FTCDNL1: variants seen among roughly 807,000 people sequenced by gnomAD.
FTCDNL1 encodes formiminotransferase N-terminal subdomain-containing protein.
Under a neutral mutation model 5.9 loss-of-function variants are expected in FTCDNL1, and 11 were observed. The observed-to-expected ratio is 1.87, with a 90% CI of 1.18 to 3.10. The LOEUF (loss-of-function observed/expected upper bound fraction) is 3.10. Among genes scored for constraint, FTCDNL1 ranks in the 30% most tolerant of loss-of-function variants. The pLI is 0.00. For missense variants in FTCDNL1, 115 were observed against 65.5 expected (o/e 1.76, Z -2.61); for synonymous variants, 58 against 24.8 (o/e 2.34, Z -3.99).
At chr2:199,680,014 T>C in the FTCDNL1 span, among the ~76,000 whole-genome samples, 1 of 152,198 alleles carries the variant, frequency 6.6e-6, no homozygotes, top group East Asian at 1.9e-4. Context: ...GCAGTCCTTT[T>C]ATATTAGAGC....
the FTCDNL1 span, among the ~76,000 whole-genome samples, chr2:199,672,485 C>T: frequency 2.6e-5 from 4 of 152,066 alleles, no homozygotes; most frequent in Admixed American, 6.5e-5. Flanking sequence ...CAAAACTTAG[C>T]GGTGTAAAAT....
the FTCDNL1 span, among the ~76,000 whole-genome samples, chr2:199,721,388 G>A: frequency 6.6e-6 from 1 of 152,100 alleles, no homozygotes; most frequent in Non-Finnish European, 1.5e-5. Context: ...TTCTGTTCCT[G>A]TGTTAGTTTG....
chr2:199,766,439 G>A (rs769657503), intron 3 of FTCDNL1, among the ~76,000 whole-genome samples: 3 of 152,150 alleles, frequency 2.0e-5, no homozygotes, highest in Non-Finnish European at 4.4e-5. Flanking sequence ...CTTAAGCTAT[G>A]GCAGATTTGA....
At chr2:199,743,899 GT>G in the FTCDNL1 span, among the ~76,000 whole-genome samples, 1 of 152,068 alleles carries the variant, frequency 6.6e-6, no homozygotes, top group Non-Finnish European at 1.5e-5. Flanking sequence ...TATATTTCCA[GT>G]ATATAGCTTG....
At chr2:199,793,619 A>C (rs1001914429) in intron 3 of FTCDNL1, among the ~76,000 whole-genome samples, 1 of 152,204 alleles carries the variant, frequency 6.6e-6, no homozygotes, top group Non-Finnish European at 1.5e-5. Context: ...TTTTTGACAT[A>C]GACATTTACA....
At chr2:199,710,243 C>A in the FTCDNL1 span, among the ~76,000 whole-genome samples, 1 of 152,074 alleles carries the variant, frequency 6.6e-6, no homozygotes, top group Non-Finnish European at 1.5e-5. Flanking sequence ...CTTCAAGTAA[C>A]GCTGAAGTGC....
At chr2:199,751,044 G>A in the FTCDNL1 span, among the ~76,000 whole-genome samples, 2 of 152,104 alleles carry the variant, frequency 1.3e-5, no homozygotes, top group African/African-American at 4.8e-5. Context: ...CCCATCTATC[G>A]AGAGACCCTA....
intron 3 of FTCDNL1, among the ~76,000 whole-genome samples, chr2:199,843,772 G>A (rs977593526): frequency 6.6e-6 from 1 of 152,054 alleles, no homozygotes; most frequent in African/African-American, 2.4e-5. Context: ...GTAATTAACC[G>A]TGGTACAGTT....
At chr2:199,758,514 A>T (rs1485082693), downstream of FTCDNL1, among the ~76,000 whole-genome samples, 1 of 151,860 alleles carries the variant, frequency 6.6e-6, no homozygotes, top group African/African-American at 2.4e-5. Flanking sequence ...TGCTGGGGTG[A>T]TTGTAATCAG....
At chr2:199,783,036 G>A (rs1451755733) in intron 3 of FTCDNL1, among the ~76,000 whole-genome samples, 1 of 152,158 alleles carries the variant, frequency 6.6e-6, no homozygotes, top group Non-Finnish European at 1.5e-5. Flanking sequence ...TGTAGGTTTG[G>A]CACTCTTGGA....
chr2:199,703,211 C>G, the FTCDNL1 span, among the ~76,000 whole-genome samples: 5 of 151,820 alleles, frequency 3.3e-5, no homozygotes, highest in Non-Finnish European at 5.9e-5. Flanking sequence ...CCCCCTGCCC[C>G]CACCCCACAA....
chr2:199,787,286 G>A (rs868469159), intron 3 of FTCDNL1, among the ~76,000 whole-genome samples: 3 of 151,906 alleles, frequency 2.0e-5, no homozygotes, highest in African/African-American at 7.3e-5. Flanking sequence ...AGGTTCAAGC[G>A]ATTCTCCTGA....
chr2:199,769,129 C>G (rs1698680563), intron 3 of FTCDNL1, among the ~76,000 whole-genome samples: 1 of 152,148 alleles, frequency 6.6e-6, no homozygotes, highest in Non-Finnish European at 1.5e-5. Context: ...GCATTCACAT[C>G]TCCTGCTCTG....
intron 3 of FTCDNL1, among the ~76,000 whole-genome samples, chr2:199,787,198 T>TG (rs1466698897): frequency 6.6e-6 from 1 of 151,134 alleles, no homozygotes; most frequent in Non-Finnish European, 1.5e-5. Context: ...TTTTTTTTTT[T>TG]TGAGATAGAA....
chr2:199,706,202 A>C, the FTCDNL1 span, among the ~76,000 whole-genome samples: 1 of 152,184 alleles, frequency 6.6e-6, no homozygotes, highest in Admixed American at 6.5e-5. Context: ...ACAACTGTTA[A>C]GACTTAGTTT....
chr2:199,743,978 C>T, the FTCDNL1 span, among the ~76,000 whole-genome samples: 5 of 152,180 alleles, frequency 3.3e-5, no homozygotes, highest in Non-Finnish European at 7.4e-5. Context: ...GTTGCCTAAG[C>T]TTCTCAACCA....
At chr2:199,764,709 A>G (rs1224192651) in intron 3 of FTCDNL1, among the ~76,000 whole-genome samples, 2 of 152,144 alleles carry the variant, frequency 1.3e-5, no homozygotes, top group African/African-American at 2.4e-5. Context: ...CTTTTACCGG[A>G]GCAGAATTAC....
chr2:199,815,616 C>A (rs1448037190), intron 4 of FTCDNL1, among the ~76,000 whole-genome samples: 1 of 152,022 alleles, frequency 6.6e-6, no homozygotes, highest in African/African-American at 2.4e-5. Context: ...TGTTGGGAAC[C>A]AAATTCATTG....
chr2:199,801,085 G>A (rs1700421575), intron 3 of FTCDNL1, among the ~76,000 whole-genome samples: 3 of 152,098 alleles, frequency 2.0e-5, no homozygotes, highest in South Asian at 4.1e-4. Flanking sequence ...TTCTGATGCT[G>A]GGCACCAGAG....
Sources: allele counts gnomAD v4.1 joint callset (sites outside exome capture counted in the v4.1 genomes callset), GRCh38; gene constraint gnomAD v4.1.1; transcripts MANE v1.5; gene names NCBI Gene and HGNC (gene_info 2026-07-23, HGNC 2026-07-21).